FGF12: variants seen among roughly 807,000 people sequenced by gnomAD.
The protein encoded by FGF12 is fibroblast growth factor 12, also known as fibroblast growth factor 12B.
FGF12 carries 14 observed loss-of-function variants against 23.6 expected under a neutral mutation model. The observed-to-expected ratio is 0.59, with a 90% CI of 0.39 to 0.93. The LOEUF (loss-of-function observed/expected upper bound fraction) is 0.93, where lower values mean the gene tolerates loss of function less well. Among genes scored for constraint, FGF12 ranks in the 40% least tolerant of loss-of-function variants. The probability of loss-of-function intolerance (pLI) is 0.00; values close to 1 mark genes in which losing one functional copy is unlikely to be tolerated. For synonymous variants in FGF12, 62 were observed against 77.3 expected, an observed-to-expected ratio of 0.80 and a Z score of 1.04; for missense variants, 175 against 217.8, an observed-to-expected ratio of 0.80 and a Z score of 1.24.
intron 2 of FGF12, among the ~76,000 whole-genome samples, chr3:192,578,676 T>A (rs1264057858): frequency 6.6e-6 from 1 of 152,070 alleles, no homozygotes; most frequent in Non-Finnish European, 1.5e-5. Context: ...TGCTGGACAT[T>A]CAAATTTCTT....
At chr3:192,550,136 GA>G (rs1725595305) in intron 2 of FGF12, among the ~76,000 whole-genome samples, 2 of 151,258 alleles carry the variant, frequency 1.3e-5, no homozygotes, top group African/African-American at 4.9e-5. Flanking sequence ...TACACATATA[GA>G]AAAAAGGAAA....
intron 2 of FGF12, among the ~76,000 whole-genome samples, chr3:192,480,939 T>C (rs532112721): frequency 1.3e-5 from 2 of 152,316 alleles, no homozygotes; most frequent in African/African-American, 4.8e-5. Flanking sequence ...CCATGATCCG[T>C]TTAAAATTAA....
intron 2 of FGF12, among the ~76,000 whole-genome samples, chr3:192,490,514 T>C (rs1238257572): frequency 6.6e-6 from 1 of 151,264 alleles, no homozygotes; most frequent in African/African-American, 2.5e-5. Flanking sequence ...CACACATATG[T>C]ATACATTCAC....
chr3:192,368,151 T>G (rs6444636), intron 2 of FGF12, among the ~76,000 whole-genome samples: 1 of 151,756 alleles, frequency 6.6e-6, no homozygotes, highest in Admixed American at 6.6e-5. Flanking sequence ...AACCAGACTT[T>G]CATGGGATGA....
At chr3:192,292,739 C>T (rs1439100454) in intron 4 of FGF12, among the ~76,000 whole-genome samples, 1 of 152,128 alleles carries the variant, frequency 6.6e-6, no homozygotes, top group South Asian at 2.1e-4. Flanking sequence ...AAACAACACA[C>T]TTCAATACAA....
chr3:192,602,722 CAA>C (rs5855439), intron 2 of FGF12, among the ~76,000 whole-genome samples: 158 of 125,664 alleles, frequency 1.3e-3, no homozygotes, highest in Middle Eastern at 4.1e-3. Flanking sequence ...CACAAAGGCC[CAA>C]AAAAAAAAAA....
At chr3:192,478,712 C>T (rs988571233) in intron 2 of FGF12, among the ~76,000 whole-genome samples, 4 of 152,064 alleles carry the variant, frequency 2.6e-5, no homozygotes, top group Admixed American at 1.3e-4. Flanking sequence ...AAGGTGAACA[C>T]CGGCTGAAAG....
intron 4 of FGF12, among the ~76,000 whole-genome samples, chr3:192,331,353 C>G (rs182919603): frequency 6.8e-6 from 1 of 146,900 alleles, no homozygotes; most frequent in Non-Finnish European, 1.5e-5. Context: ...AACAGAATTA[C>G]CATATAATCC....
chr3:192,243,053 G>C (rs1719703018), intron 4 of FGF12, among the ~76,000 whole-genome samples: 2 of 151,980 alleles, frequency 1.3e-5, no homozygotes, highest in Admixed American at 1.3e-4. Context: ...AATACTGATA[G>C]TTAATTTTCA....
At chr3:192,491,653 T>G (rs1050181944) in intron 2 of FGF12, among the ~76,000 whole-genome samples, 3 of 152,154 alleles carry the variant, frequency 2.0e-5, no homozygotes, top group Admixed American at 2.0e-4. Flanking sequence ...TCAAGAGACT[T>G]AATGTATATG....
intron 4 of FGF12, among the ~76,000 whole-genome samples, chr3:192,192,189 A>C (rs1245993213): frequency 6.6e-6 from 1 of 152,156 alleles, no homozygotes; most frequent in Non-Finnish European, 1.5e-5. Context: ...CACTTAATGG[A>C]GAAATAATAA....
intron 2 of FGF12, among the ~76,000 whole-genome samples, chr3:192,617,754 A>G (rs1714817093): frequency 6.6e-6 from 1 of 152,098 alleles, no homozygotes; most frequent in Non-Finnish European, 1.5e-5. Context: ...GAAGAGTTTT[A>G]GTAGAGATTA....
rs150839325 is a variant in FGF12 at position 192,471,319 on chromosome 3, C to T, written c.14-110781G>A. 2.0e-3 allele frequency among the ~76,000 whole-genome samples: 306 copies of T among 152,058 alleles called. 1 individual carries two copies. The highest frequency in any genetic ancestry group is 2.7e-3 in the Non-Finnish European group (183 of 67,978). On this transcript the variant is annotated intron_variant, in intron 2 of 5. Transcript: ENST00000445105. ...GTGGTATAATTACTACATATGACAC[C>T]AGAAAAAAATTACTTTTTAACATTT...
At chr3:192,270,284 T>C (rs1213153488) in intron 4 of FGF12, among the ~76,000 whole-genome samples, 1 of 152,202 alleles carries the variant, frequency 6.6e-6, no homozygotes, top group African/African-American at 2.4e-5. Flanking sequence ...AGGCTACATG[T>C]AATACAGCAC....
intron 2 of FGF12, among the ~76,000 whole-genome samples, chr3:192,490,755 A>C (rs2108825857): frequency 6.6e-6 from 1 of 152,256 alleles, no homozygotes; most frequent in Admixed American, 6.5e-5. Flanking sequence ...AGATCTCACA[A>C]ACATAACACA....
rs185860849 is a variant in FGF12, at chr3:192,361,878, A to C, written c.14-1340T>G. Among the ~76,000 whole-genome samples, 5 of 152,328 alleles carry C rather than the reference A, an allele frequency of 3.3e-5. No individual in the cohort carries two copies. The East Asian group carries it at 7.7e-4, about 23-fold the overall frequency. On this transcript the variant is annotated intron_variant, in intron 2 of 5. Coordinates refer to ENST00000445105, the MANE Select transcript of FGF12 (RefSeq NM_004113.6). ...AAAGCAGTCCTACAAAGCAAAAGAG[A>C]TGTCAAGAAAATTGGGAATGAGGAA...
intron 2 of FGF12, among the ~76,000 whole-genome samples, chr3:192,456,319 T>C (rs1722680190): frequency 6.6e-6 from 1 of 152,204 alleles, no homozygotes; most frequent in African/African-American, 2.4e-5. Context: ...CTGACCAAAC[T>C]TGGAATTAAG....
In FGF12 at chr3:192,163,596, A is replaced by G. The variant is rs561149515; in HGVS notation, c.427+6862T>C. Among the ~76,000 whole-genome samples, 33 of 152,306 alleles carry G rather than the reference A, an allele frequency of 2.2e-4. No individual in the cohort carries two copies. In the Middle Eastern group the frequency reaches 0.014, roughly 63 times the overall value. Reference sequence around the variant, plus strand: ...CAATGCCATCAGAAATCCCCTGGACAGCGTTTTAAACCTATAGAGTCCTAG... The same window carrying G: ...CAATGCCATCAGAAATCCCCTGGACGGCGTTTTAAACCTATAGAGTCCTAG... On this transcript the variant is annotated intron_variant, in intron 5 of 5. Transcript: ENST00000445105.
intron 2 of FGF12, among the ~76,000 whole-genome samples, chr3:192,432,433 T>C (rs757005959): frequency 6.6e-6 from 1 of 151,756 alleles, no homozygotes; most frequent in African/African-American, 2.4e-5. Flanking sequence ...CCCTTCGACA[T>C]AAGTAGGAGA....
Sources: allele counts gnomAD v4.1 joint callset (sites outside exome capture counted in the v4.1 genomes callset), GRCh38; gene constraint gnomAD v4.1.1; transcripts MANE v1.5; gene names NCBI Gene and HGNC (gene_info 2026-07-23, HGNC 2026-07-21).